Variants in MRPS27 observed in about 807,000 individuals in gnomAD.
MRPS27 encodes mitochondrial ribosomal protein S27, also known as small ribosomal subunit protein mS27.
Under a neutral mutation model 48.9 loss-of-function variants are expected in MRPS27, and 43 were observed. The observed-to-expected ratio is 0.88, with a 90% CI of 0.69 to 1.13. The LOEUF (loss-of-function observed/expected upper bound fraction) is 1.13, where lower values mean the gene tolerates loss of function less well. Among genes scored for constraint, MRPS27 ranks in the 50% most tolerant of loss-of-function variants. MRPS27 has a pLI of 0.00. For synonymous variants in MRPS27, 188 were observed against 171.9 expected, an observed-to-expected ratio of 1.09 and a Z score of -0.73; for missense variants, 467 against 476.3, an observed-to-expected ratio of 0.98 and a Z score of 0.18.
chr5:72,272,863 A>G (rs1333483356), intron 4 of MRPS27, among the ~76,000 whole-genome samples: 1 of 152,206 alleles, frequency 6.6e-6, no homozygotes, highest in Non-Finnish European at 1.5e-5. Flanking sequence ...CCCTGGTATA[A>G]ATGAAACAAA....
intron 1 of MRPS27, chr5:72,319,906 C>T: frequency 1.9e-6 from 1 of 526,238 alleles, no homozygotes; most frequent in Non-Finnish European, 3.4e-6. Context: ...GCGAATCATA[C>T]GCAAATTCCC....
chr5:72,226,616 A>G (rs1181011882), intron 8 of MRPS27, among the ~76,000 whole-genome samples: 1 of 152,182 alleles, frequency 6.6e-6, no homozygotes, highest in Admixed American at 6.5e-5. Context: ...TCCCACTGTG[A>G]AAATTTTGTC....
intron 4 of MRPS27, among the ~76,000 whole-genome samples, chr5:72,269,145 AG>A (rs1749171594): frequency 6.6e-6 from 1 of 152,226 alleles, no homozygotes; most frequent in Admixed American, 6.5e-5. Context: ...GTTTATTTTC[AG>A]CACTGCCAGA....
At chr5:72,306,998 T>C (rs1750286934) in intron 2 of MRPS27, among the ~76,000 whole-genome samples, 1 of 152,128 alleles carries the variant, frequency 6.6e-6, no homozygotes, top group Non-Finnish European at 1.5e-5. Flanking sequence ...CCAATTGTAT[T>C]ATACGAGGCT....
At chr5:72,226,699 GAA>G (rs58537193) in intron 8 of MRPS27, among the ~76,000 whole-genome samples, 12 of 147,820 alleles carry the variant, frequency 8.1e-5, no homozygotes, top group Non-Finnish European at 1.5e-4. Flanking sequence ...CAATCCTTAT[GAA>G]AAAAAAAAAC....
At chr5:72,247,621 T>C (rs1263842329) in intron 4 of MRPS27, among the ~76,000 whole-genome samples, 1 of 152,232 alleles carries the variant, frequency 6.6e-6, no homozygotes, top group Non-Finnish European at 1.5e-5. Context: ...AAGTACATTA[T>C]AACTGAAGAT....
At chr5:72,302,150 T>G (rs1332556687) in intron 2 of MRPS27, among the ~76,000 whole-genome samples, 1 of 152,082 alleles carries the variant, frequency 6.6e-6, no homozygotes, top group Non-Finnish European at 1.5e-5. Flanking sequence ...GTCCAGAAAA[T>G]AAAATGTATA....
chr5:72,237,791 C>A (rs1170984335), intron 5 of MRPS27, among the ~76,000 whole-genome samples: 1 of 151,888 alleles, frequency 6.6e-6, no homozygotes, highest in Non-Finnish European at 1.5e-5. Context: ...TTATACCTGT[C>A]CTTTTCTGAG....
intron 4 of MRPS27, among the ~76,000 whole-genome samples, chr5:72,244,084 T>C (rs1382420417): frequency 1.3e-5 from 2 of 152,096 alleles, no homozygotes; most frequent in Non-Finnish European, 2.9e-5. Flanking sequence ...TAATGTATAT[T>C]CTGTCAATTT....
At chr5:72,265,332 T>C (rs1411753109) in intron 4 of MRPS27, among the ~76,000 whole-genome samples, 1 of 152,172 alleles carries the variant, frequency 6.6e-6, no homozygotes, top group Non-Finnish European at 1.5e-5. Context: ...TGAAATGGCA[T>C]CACAGGGTCT....
At chr5:72,257,552 T>C (rs953160658) in intron 4 of MRPS27, among the ~76,000 whole-genome samples, 6 of 152,180 alleles carry the variant, frequency 3.9e-5, no homozygotes, top group Non-Finnish European at 7.3e-5. Context: ...TCATGAAAAT[T>C]GTTTCGGAAG....
chr5:72,241,778 GCT>G (rs1162915721), intron 4 of MRPS27: 2 of 1,257,932 alleles, frequency 1.6e-6, no homozygotes, highest in Non-Finnish European at 2.2e-6. Context: ...GTTCTCGCCT[GCT>G]CTGACCACCA....
intron 1 of MRPS27, among the ~76,000 whole-genome samples, chr5:72,316,773 T>TA (rs1164863757): frequency 2.0e-5 from 3 of 148,988 alleles, no homozygotes; most frequent in Admixed American, 6.7e-5. Flanking sequence ...CTCATGCCTG[T>TA]AATCCCAGCA....
At chr5:72,266,663 T>C (rs1001583785) in intron 4 of MRPS27, among the ~76,000 whole-genome samples, 2 of 152,080 alleles carry the variant, frequency 1.3e-5, no homozygotes, top group African/African-American at 4.8e-5. Context: ...ATCCAGACCA[T>C]CCTGGTTAAC....
rs745503396 is a variant in MRPS27 at position 72,223,690 on chromosome 5, C to G, written c.998G>C (p.Arg333Pro). 2 of 1,613,954 alleles carry G rather than the reference C, an allele frequency of 1.2e-6. No individual in the cohort carries two copies. Among genetic ancestry groups the G allele is most frequent in the Non-Finnish European group, 1.7e-6 (2 of 1,179,900 alleles). Residue 333 changes from arginine (R) to proline (P), a missense_variant, in exon 10 of 11, where the codon CGA (arginine) becomes CCA (proline). Physicochemically the swap from Arg to Pro is moderately radical, Grantham distance 103. Transcript: ENST00000261413. ...EQSKLPQYLERFKALHSKLQA... is the reference protein window; with the variant it reads ...EQSKLPQYLEPFKALHSKLQA... ...CGTTCTGCTATGATTCACCTTAAAT[C>G]GTTCCAGGTATTGAGGAAGCTTGGA...
chr5:72,307,066 T>C (rs543439937), intron 2 of MRPS27, among the ~76,000 whole-genome samples: 1 of 152,184 alleles, frequency 6.6e-6, no homozygotes, highest in South Asian at 2.1e-4. Context: ...GTATCAGGGA[T>C]ACCTGAGCCA....
At chr5:72,223,275 A>G (rs1747800893) in intron 10 of MRPS27, among the ~76,000 whole-genome samples, 1 of 152,218 alleles carries the variant, frequency 6.6e-6, no homozygotes, top group Non-Finnish European at 1.5e-5. Flanking sequence ...TACACACTCA[A>G]ATGTGGCATT....
chr5:72,274,188 T>C (rs774806174), intron 4 of MRPS27, among the ~76,000 whole-genome samples: 2 of 152,120 alleles, frequency 1.3e-5, no homozygotes, highest in South Asian at 2.1e-4. Context: ...ACCCCGTCTC[T>C]ACTAAAAACA....
At chr5:72,255,487 C>CT (rs553542045) in intron 4 of MRPS27, among the ~76,000 whole-genome samples, 341 of 152,296 alleles carry the variant, frequency 2.2e-3, no homozygotes, top group Non-Finnish European at 3.9e-3. Flanking sequence ...GGAAATACTA[C>CT]TTTACCATTG....
Sources: gnomAD v4.1 joint callset for allele counts (sites outside exome capture counted in the v4.1 genomes callset) on GRCh38, gnomAD v4.1.1 for gene constraint, MANE v1.5 for transcripts, NCBI Gene and HGNC (gene_info 2026-07-23, HGNC 2026-07-21) for gene names.